FAM81A: variants seen among roughly 807,000 people sequenced by gnomAD.
The protein encoded by FAM81A is family with sequence similarity 81 member A.
In FAM81A, 19 loss-of-function variants were observed where a neutral mutation model predicts 46.7. That is an observed-to-expected ratio of 0.41 (90% CI 0.28 to 0.60). FAM81A has a LOEUF of 0.60. Among genes scored for constraint, FAM81A ranks in the 20% least tolerant of loss-of-function variants. FAM81A has a pLI of 0.34. For synonymous variants in FAM81A, 183 were observed against 152.9 expected, an observed-to-expected ratio of 1.20 and a Z score of -1.45; for missense variants, 377 against 453.5, an observed-to-expected ratio of 0.83 and a Z score of 1.53.
At chr15:59,452,238 A>G (rs759716297) in intron 1 of FAM81A, among the ~76,000 whole-genome samples, 2 of 152,246 alleles carry the variant, frequency 1.3e-5, no homozygotes, top group Non-Finnish European at 2.9e-5. Context: ...TAAGATACCA[A>G]AAAGCTGAAC....
intron 3 of FAM81A, among the ~76,000 whole-genome samples, chr15:59,473,594 G>A (rs1300047238): frequency 1.3e-5 from 2 of 152,140 alleles, no homozygotes; most frequent in Non-Finnish European, 1.5e-5. Context: ...GCACTTTCCT[G>A]TGGGAACTCA....
intron 2 of FAM81A, 55 bp downstream of exon 2, chr15:59,458,701 A>G (rs1274278249): frequency 4.0e-6 from 6 of 1,515,136 alleles, no homozygotes; most frequent in South Asian, 1.1e-5. Flanking sequence ...TGTGATAGTT[A>G]CAAATCAAAG....
At chr15:59,449,101 A>G (rs1302055451) in intron 1 of FAM81A, among the ~76,000 whole-genome samples, 1 of 152,190 alleles carries the variant, frequency 6.6e-6, no homozygotes, top group African/African-American at 2.4e-5. Context: ...TATGGATAAA[A>G]TGCTTTAAGA....
chr15:59,504,818 T>C (rs2082132310), intron 4 of FAM81A, among the ~76,000 whole-genome samples: 1 of 152,244 alleles, frequency 6.6e-6, no homozygotes, highest in Admixed American at 6.5e-5. Flanking sequence ...TATTGTGGGC[T>C]GTCAGTCTTA....
chr15:59,465,988 T>G (rs2081608393), intron 3 of FAM81A, among the ~76,000 whole-genome samples: 2 of 152,220 alleles, frequency 1.3e-5, no homozygotes, highest in South Asian at 2.1e-4. Context: ...GAAAGTTTGC[T>G]GAGAATGATG....
rs188949361 is a variant in FAM81A, at chr15:59,449,337, T to C, written c.-77-9213T>C. Among the ~76,000 whole-genome samples the C allele has an allele frequency of 4.8e-4, 73 of 152,330 alleles. 1 individual carries two copies. The East Asian group carries it at 0.014, about 29-fold the overall frequency. On this transcript the variant is annotated intron_variant, in intron 1 of 8. Coordinates refer to ENST00000288228, the MANE Select transcript of FAM81A (RefSeq NM_152450.3). The stretch of plus-strand genomic sequence containing the variant: ...AATTAAGTTTAAGAAGTAAAAGATA[T>C]GTTTAGTCAAAGCCCCAAGTATTTT...
intron 4 of FAM81A, among the ~76,000 whole-genome samples, chr15:59,497,673 C>T (rs1197076973): frequency 6.6e-6 from 1 of 151,752 alleles, no homozygotes; most frequent in Admixed American, 6.6e-5. Flanking sequence ...AGTTTGAGGC[C>T]AGGAGTTTGA....
At chr15:59,472,963 C>G (rs2081716206) in intron 3 of FAM81A, among the ~76,000 whole-genome samples, 1 of 152,178 alleles carries the variant, frequency 6.6e-6, no homozygotes, top group South Asian at 2.1e-4. Flanking sequence ...ACGCTAAAAA[C>G]TAAGCAACCC....
intron 6 of FAM81A, among the ~76,000 whole-genome samples, chr15:59,510,883 C>T (rs948702863): frequency 5.4e-5 from 8 of 148,992 alleles, no homozygotes; most frequent in Non-Finnish European, 1.0e-4. Flanking sequence ...TGTGGTGGTT[C>T]GCGCCCATAA....
intron 3 of FAM81A, among the ~76,000 whole-genome samples, chr15:59,479,519 G>GAAAAAAAAAAAAAAAAAAAAAAA (rs57107735): frequency 4.1e-5 from 3 of 72,676 alleles, no homozygotes; most frequent in African/African-American, 5.8e-5. Flanking sequence ...TCAAAAATAA[G>GAAAAAAAAAAAAAAAAAAAAAAA]AAAAAAAAAA....
intron 4 of FAM81A, 134 bp from the exon 5 acceptor site, chr15:59,507,079 T>C (rs4278683): frequency 0.72 from 844,565 of 1,179,708 alleles, 303,936 homozygotes; most frequent in African/African-American, 0.81. Flanking sequence ...GGAATTCATT[T>C]GAACCTCTGT....
rs574213836 is a variant in FAM81A at position 59,496,284 on chromosome 15, C to T, written c.413+3895C>T. Among the ~76,000 whole-genome samples the T allele has an allele frequency of 5.3e-5, 8 of 152,266 alleles. No individual in the cohort carries two copies. In the South Asian group the frequency reaches 1.7e-3, roughly 32 times the overall value. On this transcript the variant is annotated intron_variant, in intron 4 of 8. Transcript: ENST00000288228. Reference sequence around the variant, plus strand: ...TTGTTGAAAAGTCTATTCTTTCCCCCATCAAATGGTCTTGGCACCCTAGTT... The same window carrying T: ...TTGTTGAAAAGTCTATTCTTTCCCCTATCAAATGGTCTTGGCACCCTAGTT...
chr15:59,421,729 G>GTCTGTCTATCTATCTATCTA (rs199854304), intron 2 of FAM81A, among the ~76,000 whole-genome samples: 2 of 128,870 alleles, frequency 1.6e-5, no homozygotes, highest in Non-Finnish European at 3.3e-5. Context: ...CTGTCTGTCT[G>GTCTGTCTATCTATCTATCTA]TCTATCTATC....
At chr15:59,497,715 A>G (rs958897325) in intron 4 of FAM81A, among the ~76,000 whole-genome samples, 3 of 152,120 alleles carry the variant, frequency 2.0e-5, no homozygotes, top group East Asian at 1.9e-4. Flanking sequence ...AAGACTGTAT[A>G]TCTATGAAAA....
intron 8 of FAM81A, among the ~76,000 whole-genome samples, chr15:59,517,828 C>T (rs1444963832): frequency 1.3e-5 from 2 of 152,204 alleles, no homozygotes; most frequent in Admixed American, 1.3e-4. Context: ...TGTTTAACCT[C>T]GCATCATTCC....
At chr15:59,421,425 C>T (rs976792807) in intron 2 of FAM81A, among the ~76,000 whole-genome samples, 3 of 152,074 alleles carry the variant, frequency 2.0e-5, no homozygotes, top group Non-Finnish European at 4.4e-5. Context: ...GGCAGCTTAG[C>T]GTATAGCAGG....
chr15:59,516,281 A>G (rs1370983813), intron 7 of FAM81A, among the ~76,000 whole-genome samples: 1 of 151,926 alleles, frequency 6.6e-6, no homozygotes, highest in Non-Finnish European at 1.5e-5. Flanking sequence ...ACCCACCACC[A>G]TCCATCCCTG....
intron 1 of FAM81A, among the ~76,000 whole-genome samples, chr15:59,449,203 C>A (rs1252441131): frequency 6.6e-6 from 1 of 152,054 alleles, no homozygotes; most frequent in African/African-American, 2.4e-5. Flanking sequence ...TCTGTACATG[C>A]CCTGGAGAGT....
intron 1 of FAM81A, among the ~76,000 whole-genome samples, chr15:59,398,973 T>A (rs1488316536): frequency 6.6e-6 from 1 of 151,704 alleles, no homozygotes; most frequent in East Asian, 1.9e-4. Flanking sequence ...ATCGAGACCA[T>A]CCTGGCTAAC....
Sources: gnomAD v4.1 joint callset for allele counts (sites outside exome capture counted in the v4.1 genomes callset) on GRCh38, gnomAD v4.1.1 for gene constraint, MANE v1.5 for transcripts, NCBI Gene and HGNC (gene_info 2026-07-23, HGNC 2026-07-21) for gene names.